The following SMAD2 variants were observed in gnomAD, a reference collection of about 807,000 sequenced individuals.
The protein encoded by SMAD2 is SMAD family member 2.
A neutral mutation model predicts 64.4 loss-of-function variants in SMAD2; 8 were observed. The ratio of observed to expected loss-of-function variants is 0.12; its 90% CI spans 0.07 to 0.22. The LOEUF is 0.22. SMAD2 is among the 10% of genes least tolerant of loss of function. The probability of loss-of-function intolerance (pLI) is 1.00; values close to 1 mark genes in which losing one functional copy is unlikely to be tolerated. For synonymous variants in SMAD2, 203 were observed against 195.8 expected (o/e 1.04, Z -0.31); for missense variants, 289 against 561.2 (o/e 0.51, Z 4.90).
chr18:47,913,123 A>G (rs1227005161), intron 1 of SMAD2, among the ~76,000 whole-genome samples: 1 of 152,004 alleles, frequency 6.6e-6, no homozygotes, highest in Non-Finnish European at 1.5e-5. Flanking sequence ...GTTTCACCAT[A>G]TTGGCCAGGC....
intron 2 of SMAD2, among the ~76,000 whole-genome samples, chr18:47,873,452 C>T (rs1186763510): frequency 6.6e-6 from 1 of 152,066 alleles, no homozygotes; most frequent in Non-Finnish European, 1.5e-5. Flanking sequence ...GGTATTAGTC[C>T]AAATACTGTA....
chr18:47,850,898 C>A (rs1477527533), intron 7 of SMAD2, among the ~76,000 whole-genome samples: 5 of 92,544 alleles, frequency 5.4e-5, no homozygotes, highest in African/African-American at 2.1e-4. Context: ...CCCCATACTA[C>A]GTATACATGT....
In SMAD2 at chr18:47,848,465, T is replaced by G. The variant is rs1914754218; in HGVS notation, c.997+10A>C. The G allele has an allele frequency of 6.3e-7, 1 of 1,593,558 alleles. No individual in the cohort carries two copies. The highest frequency in any genetic ancestry group is 1.3e-5 in the African/African-American group (1 of 74,512). ...CATTTATTTTTCACAACAAGGAAAA[T>G]AAAACATACCTATATGCCTTCTTGT... On this transcript the variant is annotated intron_variant, in intron 8 of 10. Coordinates refer to ENST00000262160, the MANE Select transcript of SMAD2 (RefSeq NM_005901.6).
chr18:47,859,763 T>C (rs78532325), intron 6 of SMAD2, among the ~76,000 whole-genome samples: 8,627 of 151,938 alleles, frequency 0.057, 637 homozygotes, highest in East Asian at 0.21. Context: ...AAAAGATGAA[T>C]ACAAACAAAA....
At chr18:47,913,211 G>T (rs2144520719) in intron 1 of SMAD2, among the ~76,000 whole-genome samples, 1 of 152,312 alleles carries the variant, frequency 6.6e-6, no homozygotes, top group Non-Finnish European at 1.5e-5. Context: ...ATGAGCCACA[G>T]CGCCCAGCCT....
intron 2 of SMAD2, 61 bp downstream of exon 2, chr18:47,896,460 G>A: frequency 6.4e-7 from 1 of 1,550,704 alleles, no homozygotes; most frequent in South Asian, 1.1e-5. Flanking sequence ...CACAAATTCA[G>A]TAACTTTCCT....
Position 47,838,384 on chromosome 18 carries a change from C to A in SMAD2, c.*3443G>T, listed in dbSNP as rs1213125019. ...AGTGACAGGTCCTGAGGAAAAAAAA[C>A]ACAACCTCTACAAGACCAAGCACAG... On this transcript the variant is annotated 3_prime_UTR_variant, in exon 11 of 11. Coordinates refer to ENST00000262160, the MANE Select transcript of SMAD2 (RefSeq NM_005901.6). 5 of 233,042 alleles carry A rather than the reference C, an allele frequency of 2.1e-5. No individual in the cohort carries two copies. Among genetic ancestry groups the A allele is most frequent in the Non-Finnish European group, 4.2e-5 (5 of 117,986 alleles). 14.4% of individuals were successfully genotyped at this position (233,042 alleles called of 1,614,324 possible).
intron 2 of SMAD2, among the ~76,000 whole-genome samples, chr18:47,874,872 T>C (rs2032170828): frequency 6.6e-6 from 1 of 152,178 alleles, no homozygotes; most frequent in Non-Finnish European, 1.5e-5. Context: ...CATGTGAATG[T>C]ATATTGCCTT....
chr18:47,841,789 T>G lies in SMAD2; in HGVS notation c.*38A>C, dbSNP rs1568031308. The G allele has an allele frequency of 6.2e-7, 1 of 1,613,328 alleles. No individual in the cohort carries two copies. ...CACAATGCTATGACAGAAGAGTTGT[T>G]ACATTAAGTCTTTTCATGGGACTTG... is the stretch of plus-strand genomic sequence containing the variant. On this transcript the variant is annotated 3_prime_UTR_variant, in exon 11 of 11. Transcript: ENST00000262160.
At chr18:47,881,964 A>G (rs976247670) in intron 2 of SMAD2, among the ~76,000 whole-genome samples, 1 of 150,140 alleles carries the variant, frequency 6.7e-6, no homozygotes, top group African/African-American at 2.5e-5. Flanking sequence ...TGCAGGTTCA[A>G]CTTCCTGGGT....
chr18:47,894,157 A>G (rs1296729945), intron 2 of SMAD2, among the ~76,000 whole-genome samples: 1 of 152,212 alleles, frequency 6.6e-6, no homozygotes, highest in African/African-American at 2.4e-5. Flanking sequence ...AGACTCTCTC[A>G]GGCTCTGCTC....
Position 47,896,777 on chromosome 18 carries a change from G to A in SMAD2, c.-21C>T, listed in dbSNP as rs1256375525. On this transcript the variant is annotated 5_prime_UTR_variant, in exon 2 of 11. Transcript: ENST00000262160. ...GACATGTTCTTACCAAAGGCAGCAA[G>A]CCACGCTAGGAAAACAGCCTCTTGT... The A allele has an allele frequency of 6.2e-7, 1 of 1,610,650 alleles. No homozygotes were observed. The highest frequency in any genetic ancestry group is 8.5e-7 in the Non-Finnish European group (1 of 1,178,402).
intron 7 of SMAD2, among the ~76,000 whole-genome samples, chr18:47,849,791 T>A (rs1914918511): frequency 6.6e-6 from 1 of 152,060 alleles, no homozygotes. Flanking sequence ...GTGATTCGTT[T>A]GAGGCCAGGA....
chr18:47,859,717 T>C (rs2031013972), intron 6 of SMAD2, among the ~76,000 whole-genome samples: 1 of 152,056 alleles, frequency 6.6e-6, no homozygotes, highest in South Asian at 2.1e-4. Flanking sequence ...CACAGGAGGC[T>C]AGAAAAGACC....
Position 47,836,918 on chromosome 18 carries a change from A to G in SMAD2, c.*4909T>C, listed in dbSNP as rs8085335. 0.12 allele frequency: 24,910 copies of G among 210,762 alleles called. 2,032 individuals are homozygous for G. Among genetic ancestry groups the G allele is most frequent in the Admixed American group, 0.25 (4,257 of 16,978 alleles). 13.1% of individuals were successfully genotyped at this position (210,762 alleles called of 1,614,324 possible). On this transcript the variant is annotated 3_prime_UTR_variant, in exon 11 of 11. Transcript: ENST00000262160. ...TAAAAAATTGAAAAGGAAGATATAA[A>G]AAGAACTCAATAGCAGGATTCTGAC...
At chr18:47,882,543 G>T (rs2032669326) in intron 2 of SMAD2, 1 of 152,174 alleles carries the variant, frequency 6.6e-6, no homozygotes, top group Non-Finnish European at 1.5e-5. Context: ...TGTTGGAATA[G>T]AACTCAATTA....
chr18:47,849,272 T>A (rs1371242645), intron 7 of SMAD2, among the ~76,000 whole-genome samples: 2 of 151,990 alleles, frequency 1.3e-5, no homozygotes, highest in African/African-American at 4.8e-5. Context: ...ATCATGCAAG[T>A]AGAAACAGAC....
intron 1 of SMAD2, among the ~76,000 whole-genome samples, chr18:47,918,956 AAGATGGG>A (rs781192329): frequency 1.3e-4 from 20 of 152,332 alleles, no homozygotes; most frequent in Non-Finnish European, 2.1e-4. Flanking sequence ...CCTGAACTGA[AAGATGGG>A]AGTTTCTAGA....
intron 2 of SMAD2, among the ~76,000 whole-genome samples, chr18:47,881,629 T>C (rs77060584): frequency 0.017 from 2,538 of 152,274 alleles, 76 homozygotes; most frequent in African/African-American, 0.058. Flanking sequence ...ATTAAAATAA[T>C]AAGGACACAA....
Sources: gnomAD v4.1 joint callset for allele counts (sites outside exome capture counted in the v4.1 genomes callset) on GRCh38, gnomAD v4.1.1 for gene constraint, MANE v1.5 for transcripts, NCBI Gene and HGNC (gene_info 2026-07-23, HGNC 2026-07-21) for gene names.